Variants in RBM19 observed in about 807,000 individuals in gnomAD.
RBM19 encodes the protein probable RNA-binding protein 19.
In RBM19, 94 loss-of-function variants were observed where a neutral mutation model predicts 116.8. The ratio of observed to expected loss-of-function variants is 0.80; its 90% CI spans 0.68 to 0.95. The LOEUF is 0.95. Among genes scored for constraint, RBM19 ranks in the 40% least tolerant of loss-of-function variants. The probability of loss-of-function intolerance (pLI) is 0.00; values close to 1 mark genes in which losing one functional copy is unlikely to be tolerated. For synonymous variants in RBM19, 475 were observed against 494.1 expected, an observed-to-expected ratio of 0.96 and a Z score of 0.51; for missense variants, 1,161 against 1,220.7, an observed-to-expected ratio of 0.95 and a Z score of 0.73.
At chr12:113,951,074 T>C (rs1871424940) in intron 8 of RBM19, among the ~76,000 whole-genome samples, 1 of 152,152 alleles carries the variant, frequency 6.6e-6, no homozygotes, top group African/African-American at 2.4e-5. Context: ...ACAATCTTTT[T>C]CTTTTTGAGA....
intron 21 of RBM19, among the ~76,000 whole-genome samples, chr12:113,868,076 A>T (rs1476367200): frequency 6.6e-6 from 1 of 152,266 alleles, no homozygotes; most frequent in Non-Finnish European, 1.5e-5. Context: ...CAGGCCAGGC[A>T]TTGTGCTAAA....
intron 23 of RBM19, among the ~76,000 whole-genome samples, chr12:113,841,256 A>C (rs548915447): frequency 1.3e-5 from 2 of 152,350 alleles, no homozygotes; most frequent in South Asian, 4.1e-4. Flanking sequence ...CTGAAGGGCC[A>C]GCAGTGTTTG....
intron 22 of RBM19, among the ~76,000 whole-genome samples, chr12:113,853,940 T>C (rs1487685915): frequency 6.6e-6 from 1 of 152,004 alleles, no homozygotes; most frequent in Non-Finnish European, 1.5e-5. Context: ...TGGAGAGTCC[T>C]TCTCCTTGGT....
At chr12:113,879,843 T>A (rs973253761) in intron 21 of RBM19, among the ~76,000 whole-genome samples, 6 of 152,034 alleles carry the variant, frequency 3.9e-5, no homozygotes, top group African/African-American at 1.4e-4. Flanking sequence ...CATTTGTCCT[T>A]TTCCCAGATG....
chr12:113,955,299 G>C, intron 6 of RBM19, 88 bp from the exon 7 acceptor site: 2 of 1,303,290 alleles, frequency 1.5e-6, no homozygotes, highest in South Asian at 2.4e-5. Flanking sequence ...TTCAGTGCCA[G>C]AGAAGGTGCC....
rs534962633 is a variant in RBM19 at position 113,843,722 on chromosome 12, C to T, written c.2785+946G>A. 8.7e-4 allele frequency among the ~76,000 whole-genome samples: 133 copies of T among 152,288 alleles called. 1 individual carries two copies. Among genetic ancestry groups the T allele is most frequent in the Admixed American group, 1.9e-3 (29 of 15,304 alleles). ...AGGGTGTGTACCTGACAGCAAGGGG[C>T]ACCTGCCATACTTTCCATGTGTCCA... On this transcript the variant is annotated intron_variant, in intron 23 of 23. Transcript: ENST00000261741.
In RBM19 at chr12:113,830,570, C is replaced by CGGGGGGGG. The variant is rs869235673; in HGVS notation, c.2786-7250_2786-7249insCCCCCCCC. Among the ~76,000 whole-genome samples, 9 of 7,852 alleles carry CGGGGGGGG rather than the reference C, an allele frequency of 1.1e-3. 1 individual carries two copies. Among genetic ancestry groups the CGGGGGGGG allele is most frequent in the African/African-American group, 2.2e-3 (2 of 904 alleles). 5.2% of individuals were successfully genotyped at this position (7,852 alleles called of 152,430 possible). A position where few individuals can be genotyped will look rare whatever the true frequency, so the allele number is the denominator to read the frequency against. On this transcript the variant is annotated intron_variant, in intron 23 of 23. Transcript: ENST00000261741. The stretch of plus-strand genomic sequence containing the variant: ...ATGGAGTTACCCTGAGCTAGGGCTG[C>CGGGGGGGG]GGGGCGGGGGGGGGGGGGGTGGGCT...
chr12:113,955,312 C>T, intron 6 of RBM19, 101 bp from the exon 7 acceptor site: 2 of 1,132,910 alleles, frequency 1.8e-6, no homozygotes, highest in Non-Finnish European at 1.3e-6. Flanking sequence ...AAGGTGCCTG[C>T]CGCCAGGGGG....
At chr12:113,879,840 C>T (rs963665707) in intron 21 of RBM19, among the ~76,000 whole-genome samples, 1 of 152,018 alleles carries the variant, frequency 6.6e-6, no homozygotes, top group Non-Finnish European at 1.5e-5. Context: ...CTCCATTTGT[C>T]CTTTTCCCAG....
intron 23 of RBM19, among the ~76,000 whole-genome samples, chr12:113,829,727 T>A (rs1423783998): frequency 6.6e-6 from 1 of 152,170 alleles, no homozygotes; most frequent in African/African-American, 2.4e-5. Flanking sequence ...GACACAGTAG[T>A]AGCACCCACC....
At chr12:113,936,875 G>T in intron 16 of RBM19, 132 bp downstream of exon 16, 1 of 1,207,548 alleles carries the variant, frequency 8.3e-7, no homozygotes, top group Non-Finnish European at 1.1e-6. Flanking sequence ...GAGAGTCTGA[G>T]CCCTGCTGGT....
intron 14 of RBM19, 96 bp from the exon 15 acceptor site, chr12:113,940,256 T>G: frequency 9.2e-6 from 12 of 1,302,414 alleles, no homozygotes; most frequent in East Asian, 2.3e-5. Flanking sequence ...GACAAGGCTC[T>G]CCATTTGGAA....
At chr12:113,946,218 G>T in intron 12 of RBM19, 136 bp downstream of exon 12, 1 of 1,210,758 alleles carries the variant, frequency 8.3e-7, no homozygotes, top group Non-Finnish European at 1.2e-6. Context: ...CCATTTTACA[G>T]ATGAGAAAAC....
At chr12:113,932,904 T>G (rs935124234) in intron 16 of RBM19, among the ~76,000 whole-genome samples, 51 of 152,128 alleles carry the variant, frequency 3.4e-4, no homozygotes, top group African/African-American at 1.2e-3. Flanking sequence ...TGCTTCCATC[T>G]GTAGTTAGCA....
chr12:113,855,272 A>G (rs3782437), intron 22 of RBM19, among the ~76,000 whole-genome samples: 37,133 of 149,416 alleles, frequency 0.25, 4,977 homozygotes, highest in East Asian at 0.5. Flanking sequence ...TGGGGAAAGA[A>G]CACTGTTCTG....
At chr12:113,824,899 T>C (rs1466884213) in intron 23 of RBM19, among the ~76,000 whole-genome samples, 1 of 151,974 alleles carries the variant, frequency 6.6e-6, no homozygotes, top group African/African-American at 2.4e-5. Context: ...GTGCGTCAGA[T>C]CCACCACTCC....
intron 16 of RBM19, among the ~76,000 whole-genome samples, chr12:113,932,893 G>A (rs1179659130): frequency 1.3e-5 from 2 of 152,158 alleles, no homozygotes; most frequent in East Asian, 1.9e-4. Context: ...CAGGGGAACT[G>A]TGCTTCCATC....
intron 23 of RBM19, among the ~76,000 whole-genome samples, chr12:113,838,464 G>A (rs1286105250): frequency 2.0e-5 from 3 of 152,170 alleles, no homozygotes; most frequent in African/African-American, 7.2e-5. Context: ...AAACAACATG[G>A]GGAGAGCATG....
In RBM19 at chr12:113,950,034, C is replaced by T. The variant is rs148778934; in HGVS notation, c.1072+49G>A. On this transcript the variant is annotated intron_variant, in intron 9 of 23. Coordinates refer to ENST00000261741, the MANE Select transcript of RBM19 (RefSeq NM_016196.4). ...AGAACGTGTAAAGGAAATGAAGGAA[C>T]GAAGGAACGCTGTAACACAGAGAGA... 304 of 1,476,620 alleles carry T rather than the reference C, an allele frequency of 2.1e-4. 1 individual carries two copies. In the African/African-American group the frequency reaches 3.5e-3, roughly 17 times the overall value. The allele number at this position is 1,476,620 out of a possible 1,614,324, so 91.5% of individuals were successfully genotyped here.
Sources: allele counts gnomAD v4.1 joint callset (sites outside exome capture counted in the v4.1 genomes callset), GRCh38; gene constraint gnomAD v4.1.1; transcripts MANE v1.5; gene names NCBI Gene and HGNC (gene_info 2026-07-23, HGNC 2026-07-21).